The following SMARCE1 variants were observed in gnomAD, a reference collection of about 807,000 sequenced individuals.
SMARCE1 encodes the protein SWI/SNF related BAF chromatin remodeling complex subunit E1, also known as SWI/SNF-related matrix-associated actin-dependent regulator of chromatin subfamily E member 1.
In SMARCE1, 13 loss-of-function variants were observed where a neutral mutation model predicts 54.9. The ratio of observed to expected loss-of-function variants is 0.24; its 90% CI spans 0.15 to 0.38. The LOEUF (loss-of-function observed/expected upper bound fraction) is 0.38, where lower values mean the gene tolerates loss of function less well. SMARCE1 is among the 10% of genes least tolerant of loss of function. SMARCE1 has a pLI of 1.00. For missense variants in SMARCE1, 295 were observed against 523.8 expected (o/e 0.56, Z 4.26); for synonymous variants, 151 against 175.3 (o/e 0.86, Z 1.10).
chr17:40,629,716 G>C, intron 10 of SMARCE1: 1 of 397,048 alleles, frequency 2.5e-6, no homozygotes, highest in East Asian at 3.6e-5. Flanking sequence ...CCAAAACAGA[G>C]GCAAAGGACT....
chr17:40,630,097 T>C (rs1298376904), intron 10 of SMARCE1: 2 of 659,356 alleles, frequency 3.0e-6, no homozygotes, highest in Admixed American at 2.6e-5. Context: ...TACTAGGCAG[T>C]GTTAAAACAG....
chr17:40,645,864 AG>A lies in SMARCE1; in HGVS notation c.-45-18del, dbSNP rs1471352306. ...TCTGAGACACTAAAATAAAAAAAAA[AG>A]GAAAAAAAAAAGAGAATCAAAACTC... On this transcript the variant is annotated intron_variant, in intron 1 of 10. Coordinates refer to ENST00000348513, the MANE Select transcript of SMARCE1 (RefSeq NM_003079.5). The A allele has an allele frequency of 7.1e-5, 55 of 777,894 alleles. No homozygotes were observed. Among genetic ancestry groups the A allele is most frequent in the African/African-American group, 3.5e-4 (19 of 54,862 alleles). The allele number at this position is 777,894 out of a possible 1,614,324, so 48.2% of individuals were successfully genotyped here.
At chr17:40,629,229 C>T in intron 10 of SMARCE1, 1 of 523,412 alleles carries the variant, frequency 1.9e-6, no homozygotes, top group South Asian at 3.3e-5. Flanking sequence ...AGATCAAATA[C>T]TTCCGATGAA....
chr17:40,631,060 GCCAAAAAAA>G, intron 9 of SMARCE1, 136 bp from the exon 10 acceptor site: 1 of 666,642 alleles, frequency 1.5e-6, no homozygotes, highest in Non-Finnish European at 2.5e-6. Context: ...GTGTGTGTGT[GCCAAAAAAA>G]TGTGGTTCTA....
chr17:40,629,542 T>TTA, intron 10 of SMARCE1: 1 of 1,223,502 alleles, frequency 8.2e-7, no homozygotes, highest in Non-Finnish European at 1.0e-6. Flanking sequence ...TTTAGACACT[T>TTA]TGTTTAAAGT....
In SMARCE1 at chr17:40,642,768, T is replaced by G. The variant is rs1305025004; in HGVS notation, c.52-209A>C. ...CTGTCTGCAGTGTCTTTTGGTTGTT[T>G]TTCTCTTTCTTTTTTGCAGGGGCTG... On this transcript the variant is annotated intron_variant, in intron 3 of 10. Coordinates refer to ENST00000348513, the MANE Select transcript of SMARCE1 (RefSeq NM_003079.5). The surrounding 1 kb of genome is among the most constrained non-coding windows in gnomAD (Gnocchi z 4.6). 1.9e-6 allele frequency: 1 copy of G among 536,484 alleles called. No homozygotes were observed. The highest frequency in any genetic ancestry group is 1.9e-5 in the African/African-American group (1 of 51,416). The allele number at this position is 536,484 out of a possible 1,614,324, so 33.2% of individuals were successfully genotyped here. A position where few individuals can be genotyped will look rare whatever the true frequency, so the allele number is the denominator to read the frequency against.
chr17:40,646,116 G>C (rs2037253082), intron 1 of SMARCE1, among the ~76,000 whole-genome samples: 1 of 152,150 alleles, frequency 6.6e-6, no homozygotes, highest in Non-Finnish European at 1.5e-5. Context: ...CTCTTGTATG[G>C]AAAACATTTT....
At chr17:40,645,959 T>C (rs971371403) in intron 1 of SMARCE1, 112 bp from the exon 2 acceptor site, 5 of 412,750 alleles carry the variant, frequency 1.2e-5, no homozygotes, top group African/African-American at 1.0e-4. Context: ...TAAAATTACT[T>C]CACCTTAATT....
At chr17:40,632,492 C>G in intron 7 of SMARCE1, 125 bp from the exon 8 acceptor site, 1 of 736,842 alleles carries the variant, frequency 1.4e-6, no homozygotes, top group Middle Eastern at 3.1e-4. Context: ...ACCTGCCCAG[C>G]GTCATGGGAG....
chr17:40,629,508 G>A, intron 10 of SMARCE1: 1 of 1,219,062 alleles, frequency 8.2e-7, no homozygotes, highest in African/African-American at 1.6e-5. Context: ...GAAAGCAGTT[G>A]TAGAAATAAT....
chr17:40,647,262 T>A (rs2037267101), intron 1 of SMARCE1: 1 of 152,226 alleles, frequency 6.6e-6, no homozygotes, highest in Non-Finnish European at 1.5e-5. Context: ...TGTACAGCTA[T>A]CCCCATTTTA....
chr17:40,644,897 C>CAAG, intron 3 of SMARCE1: 1 of 152,210 alleles, frequency 6.6e-6, no homozygotes, highest in African/African-American at 2.4e-5. Context: ...GCCATTTCAG[C>CAAG]AAGACCTGAA....
chr17:40,634,563 C>T (rs909480093), intron 7 of SMARCE1: 4 of 152,308 alleles, frequency 2.6e-5, no homozygotes, highest in Non-Finnish European at 2.9e-5. Flanking sequence ...TAATCATTTT[C>T]GTACTGGTAT....
At chr17:40,640,948 A>G (rs1597748778) in intron 4 of SMARCE1, 1 of 152,198 alleles carries the variant, frequency 6.6e-6, no homozygotes, top group East Asian at 1.9e-4. Flanking sequence ...CACTTTTTTA[A>G]CTGAGAATCC....
rs1293519742 is a variant in SMARCE1, at chr17:40,630,107, G to C, written c.1027+607C>G. 7.4e-6 allele frequency: 5 copies of C among 677,820 alleles called. No homozygotes were observed. The East Asian group carries it at 8.1e-5, about 11-fold the overall frequency. The allele number at this position is 677,820 out of a possible 1,614,324, so 42.0% of individuals were successfully genotyped here. A position where few individuals can be genotyped will look rare whatever the true frequency, so the allele number is the denominator to read the frequency against. ...CAGTGTACTAGGCAGTGTTAAAACA[G>C]TGCCATGAGGTAAGGTGATCTCAAA... On this transcript the variant is annotated intron_variant, in intron 10 of 10. Coordinates refer to ENST00000348513, the MANE Select transcript of SMARCE1 (RefSeq NM_003079.5).
intron 3 of SMARCE1, chr17:40,643,075 A>C (rs947313887): frequency 1.3e-5 from 2 of 152,344 alleles, no homozygotes; most frequent in Non-Finnish European, 2.9e-5. Flanking sequence ...ACAGTTTTAA[A>C]TCATTTTATA....
At position 40,641,403 on chromosome 17, in the gene SMARCE1, GACAA is replaced by G. The variant is rs1172836968; in HGVS notation, c.156+1048_156+1051del. 3.9e-5 allele frequency: 6 copies of G among 152,222 alleles called. No homozygotes were observed. The South Asian group carries it at 6.2e-4, about 16-fold the overall frequency. The allele number at this position is 152,222 out of a possible 1,614,324, so 9.4% of individuals were successfully genotyped here. ...TTATGCAGAAACAATGAAAAATTTA[GACAA>G]ACAAAACCTATCAAGCTAAGCAATA... On this transcript the variant is annotated intron_variant, in intron 4 of 10. Transcript: ENST00000348513.
At chr17:40,636,589 G>T in intron 5 of SMARCE1, 63 bp from the exon 6 acceptor site, 1 of 1,330,328 alleles carries the variant, frequency 7.5e-7, no homozygotes, top group Non-Finnish European at 1.1e-6. Flanking sequence ...TTTAAAAATA[G>T]TTTTTAATGT....
rs778510293 is a variant in SMARCE1 at position 40,632,177 on chromosome 17, A to C, written c.714+18T>G. 2 of 1,593,664 alleles carry C rather than the reference A, an allele frequency of 1.3e-6. No homozygotes were observed. Among genetic ancestry groups the C allele is most frequent in the South Asian group, 2.2e-5 (2 of 89,612 alleles). On this transcript the variant is annotated intron_variant, in intron 8 of 10. Coordinates refer to ENST00000348513, the MANE Select transcript of SMARCE1 (RefSeq NM_003079.5). ...GGTATAGGCACATCTTATTGAAATGAATGTTTTATGACTTTACCTGATGAA... is the reference window on the plus strand; with the variant it reads ...GGTATAGGCACATCTTATTGAAATGCATGTTTTATGACTTTACCTGATGAA...
Sources: gnomAD v4.1 joint callset for allele counts (sites outside exome capture counted in the v4.1 genomes callset) on GRCh38, gnomAD v4.1.1 for gene constraint, Gnocchi (gnomAD v3.1) non-coding constraint, MANE v1.5 for transcripts, NCBI Gene and HGNC (gene_info 2026-07-23, HGNC 2026-07-21) for gene names.